SLC16A3: variants seen among roughly 807,000 people sequenced by gnomAD.
SLC16A3 encodes monocarboxylate transporter 4.
A neutral mutation model predicts 25.0 loss-of-function variants in SLC16A3; 22 were observed. That is an observed-to-expected ratio of 0.88 (90% CI 0.63 to 1.26). SLC16A3 has a LOEUF of 1.26. SLC16A3 is among the 50% of genes most tolerant of loss of function. SLC16A3 has a pLI of 0.00. For synonymous variants in SLC16A3, 390 were observed against 309.2 expected (o/e 1.26, Z -2.74); for missense variants, 731 against 666.6 (o/e 1.10, Z -1.06).
At chr17:82,238,036 C>G in intron 4 of SLC16A3, 143 bp downstream of exon 4, 1 of 967,372 alleles carries the variant, frequency 1.0e-6, no homozygotes, top group Non-Finnish European at 1.5e-6. Context: ...GCTGGACCAA[C>G]CCTGATTCTG....
chr17:82,231,010 G>A (rs1365482775), intron 1 of SLC16A3: 1 of 152,208 alleles, frequency 6.6e-6, no homozygotes, highest in African/African-American at 2.4e-5. Flanking sequence ...CCGACGCCTG[G>A]CGCGGCTCCC....
chr17:82,235,950 G>A lies in SLC16A3; in HGVS notation c.-26-33G>A, dbSNP rs948979501. ...CAGGCTGCAGCTGGGATGGTCACCC[G>A]GGCAGCCTGAGTCAGCCTGCTTTCT... is the stretch of plus-strand genomic sequence containing the variant. On this transcript the variant is annotated intron_variant, in intron 1 of 4. Coordinates refer to ENST00000582743, the MANE Select transcript of SLC16A3 (RefSeq NM_004207.4). 9 of 1,447,522 alleles carry A rather than the reference G, an allele frequency of 6.2e-6. No homozygotes were observed. The East Asian group carries it at 9.7e-5, about 16-fold the overall frequency. The allele number at this position is 1,447,522 out of a possible 1,614,324, so 89.7% of individuals were successfully genotyped here. A position where few individuals can be genotyped will look rare whatever the true frequency, so the allele number is the denominator to read the frequency against.
chr17:82,239,285 GACA>G lies in SLC16A3; in HGVS notation c.*312_*314del, dbSNP rs1239756890. The stretch of plus-strand genomic sequence containing the variant: ...AAGGACCTGGAAACCCATGCTTCGA[GACA>G]ACGTGACTTTAATGGGAGGGTGGGT... On this transcript the variant is annotated 3_prime_UTR_variant, in exon 5 of 5. Coordinates refer to ENST00000582743, the MANE Select transcript of SLC16A3 (RefSeq NM_004207.4). The G allele has an allele frequency of 1.7e-5, 2 of 119,978 alleles. No individual in the cohort carries two copies. Among genetic ancestry groups the G allele is most frequent in the Non-Finnish European group, 3.2e-5 (2 of 62,046 alleles). The allele number at this position is 119,978 out of a possible 1,614,324, so 7.4% of individuals were successfully genotyped here.
At chr17:82,224,042 CTA>C (rs1184582983), upstream of SLC16A3, among the ~76,000 whole-genome samples, 6 of 139,372 alleles carry the variant, frequency 4.3e-5, no homozygotes, top group Admixed American at 7.3e-5. Context: ...AGACACAACC[CTA>C]CACCCGTGCA....
At chr17:82,226,595 A>G (rs1200100592), upstream of SLC16A3, among the ~76,000 whole-genome samples, 1 of 152,070 alleles carries the variant, frequency 6.6e-6, no homozygotes, top group Non-Finnish European at 1.5e-5. Context: ...CTTACCCGAA[A>G]CCAAAGTGGT....
chr17:82,227,452 G>C (rs866125742), upstream of SLC16A3, among the ~76,000 whole-genome samples: 1 of 152,038 alleles, frequency 6.6e-6, no homozygotes, highest in African/African-American at 2.4e-5. Context: ...CGGTACCCTC[G>C]CCTCCCCGGC....
At chr17:82,218,097 G>C (rs1284405992) in exon 1 of SLC16A3, among the ~76,000 whole-genome samples, 1 of 152,238 alleles carries the variant, frequency 6.6e-6, no homozygotes, top group Non-Finnish European at 1.5e-5. Flanking sequence ...GCTGGCAGGT[G>C]GTGACCTCTG....
chr17:82,239,186 C>T lies in SLC16A3; in HGVS notation c.*210C>T, dbSNP rs914214327. ...GAGTGGATCTGCGGTGAAGCCAAGC[C>T]GCAAGGTTACAAGGCATCCTCACCA... On this transcript the variant is annotated 3_prime_UTR_variant, in exon 5 of 5. Coordinates refer to ENST00000582743, the MANE Select transcript of SLC16A3 (RefSeq NM_004207.4). 6 of 476,550 alleles carry T rather than the reference C, an allele frequency of 1.3e-5. No individual in the cohort carries two copies. The highest frequency in any genetic ancestry group is 4.7e-5 in the South Asian group (1 of 21,074). The allele number at this position is 476,550 out of a possible 1,614,324, so 29.5% of individuals were successfully genotyped here.
intron 3 of SLC16A3, 68 bp from the exon 4 acceptor site, chr17:82,237,070 G>A (rs1343949355): frequency 9.6e-6 from 14 of 1,462,540 alleles, no homozygotes; most frequent in Admixed American, 2.6e-5. Context: ...GGAACCTGGG[G>A]GCAGAGATGA....
intron 4 of SLC16A3, among the ~76,000 whole-genome samples, chr17:82,238,334 A>G (rs111904630): frequency 2.6e-5 from 4 of 152,194 alleles, no homozygotes; most frequent in Non-Finnish European, 4.4e-5. Context: ...GGGAGGGCTC[A>G]TGTCTTGGAG....
At chr17:82,235,920 C>T in intron 1 of SLC16A3, 63 bp from the exon 2 acceptor site, 4 of 1,169,828 alleles carry the variant, frequency 3.4e-6, no homozygotes, top group Non-Finnish European at 4.9e-6. Context: ...GTGTCCCTCC[C>T]CTGCCAGGCT....
At chr17:82,223,949 C>T (rs956431572), upstream of SLC16A3, among the ~76,000 whole-genome samples, 5 of 151,894 alleles carry the variant, frequency 3.3e-5, no homozygotes, top group Admixed American at 3.3e-4. Context: ...AGACCATGCA[C>T]ACCTACACCC....
intron 2 of SLC16A3, 102 bp from the exon 3 acceptor site, chr17:82,236,624 GGGT>G (rs2050609236): frequency 6.7e-7 from 1 of 1,485,280 alleles, no homozygotes; most frequent in South Asian, 1.2e-5. Context: ...GCGGGGGGAG[GGGT>G]GGTGTGGGAA....
Position 82,238,875 on chromosome 17 carries a change from C to A in SLC16A3, c.1297C>A (p.Pro433Thr). Reference protein sequence around the residue: ...AAEEEKLHKPPADSGVDLREV... With the variant: ...AAEEEKLHKPTADSGVDLREV... ...GGAGGAGGAGAAGCTCCACAAGCCT[C>A]CTGCAGACTCGGGGGTGGACTTGCG... Residue 433 changes from proline (P) to threonine (T), a missense_variant, in exon 5 of 5, where the codon CCT (proline) becomes ACT (threonine). By Grantham distance (38) the Pro-to-Thr change is conservative. Transcript: ENST00000582743. The A allele has an allele frequency of 1.2e-6, 2 of 1,610,130 alleles. No individual in the cohort carries two copies. Among genetic ancestry groups the A allele is most frequent in the Non-Finnish European group, 1.7e-6 (2 of 1,177,826 alleles).
At position 82,239,883 on chromosome 17, in the gene SLC16A3, C is replaced by G. The variant is rs919038163; in HGVS notation, c.*907C>G. 3 of 733,218 alleles carry G rather than the reference C, an allele frequency of 4.1e-6. No homozygotes were observed. The Admixed American group carries it at 1.3e-4, about 32-fold the overall frequency. The allele number at this position is 733,218 out of a possible 1,614,324, so 45.4% of individuals were successfully genotyped here. ...GTCCTCCATCCAGCCCGGCCCAGCG[C>G]TTGGGCTTGTCCTGGACACCTAACA... On this transcript the variant is annotated 3_prime_UTR_variant, in exon 5 of 5. Coordinates refer to ENST00000582743, the MANE Select transcript of SLC16A3 (RefSeq NM_004207.4).
rs891744705 is a variant in SLC16A3 at position 82,238,595 on chromosome 17, C to T, written c.1124-107C>T. On this transcript the variant is annotated intron_variant, in intron 4 of 4. Coordinates refer to ENST00000582743, the MANE Select transcript of SLC16A3 (RefSeq NM_004207.4). ...CCAGCCCCACAAGCTCAGAGGCAGA[C>T]AGGGTGACCCTTGCGTGCTGAGACA... The T allele has an allele frequency of 1.6e-5, 19 of 1,165,218 alleles. No individual in the cohort carries two copies. The African/African-American group carries it at 2.5e-4, about 15-fold the overall frequency. The allele number at this position is 1,165,218 out of a possible 1,614,324, so 72.2% of individuals were successfully genotyped here. A position where few individuals can be genotyped will look rare whatever the true frequency, so the allele number is the denominator to read the frequency against.
chr17:82,227,689 A>T, upstream of SLC16A3, among the ~76,000 whole-genome samples: 1 of 148,008 alleles, frequency 6.8e-6, no homozygotes, highest in African/African-American at 2.5e-5. Flanking sequence ...CGGGAGCAGC[A>T]CGGGCCAACT....
intron 1 of SLC16A3, chr17:82,233,580 G>C (rs965773497): frequency 7.2e-5 from 11 of 152,244 alleles, no homozygotes; most frequent in African/African-American, 2.7e-4. Flanking sequence ...CACCCCCGCT[G>C]GTGCAGCCAG....
chr17:82,233,369 C>T (rs1297017047), intron 1 of SLC16A3, among the ~76,000 whole-genome samples: 2 of 152,194 alleles, frequency 1.3e-5, no homozygotes, highest in African/African-American at 2.4e-5. Flanking sequence ...AAGCCACAAG[C>T]ACCTCAGGTC....
Sources: gnomAD v4.1 joint callset for allele counts (sites outside exome capture counted in the v4.1 genomes callset) on GRCh38, gnomAD v4.1.1 for gene constraint, MANE v1.5 for transcripts, NCBI Gene and HGNC (gene_info 2026-07-23, HGNC 2026-07-21) for gene names.